ENTREP2: variants seen among roughly 807,000 people sequenced by gnomAD.
The protein encoded by ENTREP2 is endosomal transmembrane epsin interactor 2, also known as protein ENTREP2.
the ENTREP2 span, among the ~76,000 whole-genome samples, chr15:29,388,071 T>C: frequency 9.2e-5 from 14 of 152,210 alleles, no homozygotes; most frequent in African/African-American, 2.9e-4. Flanking sequence ...AAGGACTTCA[T>C]GTCTAAAACA....
the ENTREP2 span, among the ~76,000 whole-genome samples, chr15:29,520,640 A>C: frequency 6.6e-6 from 1 of 152,164 alleles, no homozygotes; most frequent in East Asian, 1.9e-4. Context: ...AAGCTAAAAA[A>C]CTGCATTGGA....
chr15:29,224,593 A>G, the ENTREP2 span, among the ~76,000 whole-genome samples: 1 of 152,128 alleles, frequency 6.6e-6, no homozygotes, highest in African/African-American at 2.4e-5. Context: ...TCACTAGATT[A>G]GCTAGATACA....
At chr15:29,153,286 T>C in the ENTREP2 span, among the ~76,000 whole-genome samples, 2 of 152,174 alleles carry the variant, frequency 1.3e-5, no homozygotes, top group African/African-American at 2.4e-5. Flanking sequence ...CTTAGTCAGC[T>C]CAGGCTGCTA....
At chr15:29,325,807 C>T in the ENTREP2 span, among the ~76,000 whole-genome samples, 2 of 152,206 alleles carry the variant, frequency 1.3e-5, no homozygotes, top group African/African-American at 4.8e-5. Flanking sequence ...AAAAGGGAAA[C>T]TACAGACCAA....
the ENTREP2 span, among the ~76,000 whole-genome samples, chr15:29,388,457 T>A: frequency 1.1e-3 from 164 of 152,192 alleles, no homozygotes; most frequent in African/African-American, 3.7e-3. Flanking sequence ...AATTAAAAAG[T>A]CAGGAAACAA....
chr15:29,209,389 C>G, the ENTREP2 span, among the ~76,000 whole-genome samples: 13 of 152,220 alleles, frequency 8.5e-5, no homozygotes, highest in South Asian at 2.5e-3. Flanking sequence ...GTAATCCCAG[C>G]TACTTGGGAG....
chr15:29,536,529 G>A, the ENTREP2 span, among the ~76,000 whole-genome samples: 5 of 151,724 alleles, frequency 3.3e-5, no homozygotes, highest in East Asian at 5.8e-4. Context: ...GCTTGAACCC[G>A]GGAGGCAGAG....
the ENTREP2 span, among the ~76,000 whole-genome samples, chr15:29,257,723 G>A: frequency 6.6e-6 from 1 of 152,076 alleles, no homozygotes; most frequent in Non-Finnish European, 1.5e-5. Context: ...ATTCTCTACC[G>A]TAACTATAAT....
chr15:29,540,087 C>T, the ENTREP2 span, among the ~76,000 whole-genome samples: 1 of 152,166 alleles, frequency 6.6e-6, no homozygotes, highest in Non-Finnish European at 1.5e-5. Context: ...CCTCCCTGCA[C>T]CCCATACTCC....
the ENTREP2 span, among the ~76,000 whole-genome samples, chr15:29,190,501 A>C: frequency 6.6e-6 from 1 of 152,064 alleles, no homozygotes; most frequent in South Asian, 2.1e-4. Context: ...CTGGATTCCA[A>C]ATTTATTCCT....
chr15:29,256,990 T>C, the ENTREP2 span, among the ~76,000 whole-genome samples: 8 of 152,010 alleles, frequency 5.3e-5, no homozygotes, highest in African/African-American at 1.9e-4. Flanking sequence ...CCCTATTCCC[T>C]TCTACAACTG....
chr15:29,464,122 C>T, the ENTREP2 span, among the ~76,000 whole-genome samples: 2 of 151,912 alleles, frequency 1.3e-5, no homozygotes, highest in Admixed American at 6.6e-5. Flanking sequence ...AGATGGATTG[C>T]GGTGGTGGCT....
the ENTREP2 span, among the ~76,000 whole-genome samples, chr15:29,329,756 C>T: frequency 8.5e-5 from 13 of 152,250 alleles, 1 homozygote; most frequent in African/African-American, 3.1e-4. Flanking sequence ...CAAAGGAACA[C>T]AGAAGCCAAC....
chr15:29,531,719 G>A, the ENTREP2 span, among the ~76,000 whole-genome samples: 6 of 152,300 alleles, frequency 3.9e-5, no homozygotes, highest in South Asian at 2.1e-4. Context: ...AGACTGCAGC[G>A]CAGTGGCGCA....
the ENTREP2 span, among the ~76,000 whole-genome samples, chr15:29,603,810 C>T: frequency 2.6e-5 from 4 of 151,910 alleles, no homozygotes; most frequent in African/African-American, 7.3e-5. Flanking sequence ...GGCTAACTTT[C>T]GTATTTTTAG....
At chr15:29,411,865 C>G in the ENTREP2 span, among the ~76,000 whole-genome samples, 1 of 152,172 alleles carries the variant, frequency 6.6e-6, no homozygotes, top group Non-Finnish European at 1.5e-5. Context: ...TGGTAGACTC[C>G]CTGAATTCTG....
the ENTREP2 span, among the ~76,000 whole-genome samples, chr15:29,296,861 C>CCATT: frequency 2.0e-5 from 3 of 152,126 alleles, no homozygotes; most frequent in Non-Finnish European, 4.4e-5. Flanking sequence ...TTACTCTAGG[C>CCATT]CATTGGTTGG....
At chr15:29,262,180 T>C in the ENTREP2 span, among the ~76,000 whole-genome samples, 12 of 152,192 alleles carry the variant, frequency 7.9e-5, no homozygotes, top group East Asian at 3.9e-4. Context: ...TATATACATA[T>C]TGGTTTCCTT....
chr15:29,429,964 G>A, the ENTREP2 span, among the ~76,000 whole-genome samples: 9 of 152,166 alleles, frequency 5.9e-5, no homozygotes, highest in Non-Finnish European at 1.0e-4. Flanking sequence ...AATAGGGCTG[G>A]GCGCAGACTT....
Sources: gnomAD v4.1 joint callset for allele counts (sites outside exome capture counted in the v4.1 genomes callset) on GRCh38, gnomAD v4.1.1 for gene constraint, MANE v1.5 for transcripts, NCBI Gene and HGNC (gene_info 2026-07-23, HGNC 2026-07-21) for gene names.